The following NR3C1 variants were observed in gnomAD, a reference collection of about 807,000 sequenced individuals.
NR3C1 encodes nuclear receptor subfamily 3 group C member 1, also known as glucocorticoid receptor.
Under a neutral mutation model 74.0 loss-of-function variants are expected in NR3C1, and 14 were observed. The observed-to-expected ratio is 0.19, with a 90% confidence interval of 0.12 to 0.30. The LOEUF (loss-of-function observed/expected upper bound fraction) is 0.30, where lower values mean the gene tolerates loss of function less well. Ranked by LOEUF, NR3C1 falls within the 10% of genes least tolerant of loss-of-function variation. NR3C1 has a pLI of 1.00. For missense variants in NR3C1, 695 were observed against 909.8 expected, an observed-to-expected ratio of 0.76 and a Z score of 3.04; for synonymous variants, 308 against 332.5, an observed-to-expected ratio of 0.93 and a Z score of 0.80.
chr5:143,282,191 C>A, intron 8 of NR3C1, 150 bp from the exon 9 acceptor site: 1 of 768,002 alleles, frequency 1.3e-6, no homozygotes, highest in South Asian at 1.6e-5. Context: ...CACTTCCGTA[C>A]AAAACACATT....
upstream of NR3C1, among the ~76,000 whole-genome samples, chr5:143,406,081 T>G (rs1841092840): frequency 6.6e-6 from 1 of 151,800 alleles, no homozygotes; most frequent in Non-Finnish European, 1.5e-5. Context: ...TGATTAAGAA[T>G]TCTATTTATA....
chr5:143,359,216 G>A (rs76556084), intron 2 of NR3C1, among the ~76,000 whole-genome samples: 34 of 152,190 alleles, frequency 2.2e-4, no homozygotes, highest in East Asian at 1.9e-4. Flanking sequence ...CTTTCTCCCC[G>A]TATAAAAATA....
At chr5:143,353,323 G>A (rs1830537349) in intron 2 of NR3C1, among the ~76,000 whole-genome samples, 1 of 152,060 alleles carries the variant, frequency 6.6e-6, no homozygotes, top group African/African-American at 2.4e-5. Flanking sequence ...CTTTCAAACT[G>A]CTACTAATGT....
upstream of NR3C1, chr5:143,403,962 G>T (rs553659351): frequency 6.1e-6 from 6 of 985,182 alleles, no homozygotes; most frequent in South Asian, 2.3e-4. Context: ...AAAAAGGGTG[G>T]CGGCGGCAGC....
intron 2 of NR3C1, among the ~76,000 whole-genome samples, chr5:143,338,435 C>T (rs1264481745): frequency 6.6e-6 from 1 of 151,772 alleles, no homozygotes; most frequent in Non-Finnish European, 1.5e-5. Flanking sequence ...AAAACGACAG[C>T]TCTGTGTTTG....
intron 2 of NR3C1, among the ~76,000 whole-genome samples, chr5:143,354,993 A>G (rs1225805942): frequency 1.3e-5 from 2 of 152,062 alleles, no homozygotes; most frequent in African/African-American, 4.8e-5. Context: ...AAATGATGAA[A>G]AAGTTTGATA....
chr5:143,314,189 T>C, intron 2 of NR3C1, 21 bp from the exon 3 acceptor site: 1 of 1,612,230 alleles, frequency 6.2e-7, no homozygotes. Flanking sequence ...GGAAGAACAG[T>C]GTTATGATTT....
At chr5:143,426,093 A>G (rs920946818) in intron 1 of NR3C1, among the ~76,000 whole-genome samples, 6 of 152,204 alleles carry the variant, frequency 3.9e-5, no homozygotes, top group East Asian at 1.9e-4. Context: ...CCTTTAATAC[A>G]GTATGTTGAG....
chr5:143,415,834 C>T (rs981946283), intron 1 of NR3C1, among the ~76,000 whole-genome samples: 1 of 152,136 alleles, frequency 6.6e-6, no homozygotes, highest in African/African-American at 2.4e-5. Flanking sequence ...TTATTGGGCT[C>T]ATTTTAAAAA....
At chr5:143,412,422 AT>A (rs899691836) in intron 1 of NR3C1, among the ~76,000 whole-genome samples, 53 of 151,442 alleles carry the variant, frequency 3.5e-4, no homozygotes, top group Non-Finnish European at 4.3e-4. Context: ...TTTATAGTAG[AT>A]TTTTTTTTCT....
chr5:143,287,976 T>C (rs1814878214), intron 7 of NR3C1, among the ~76,000 whole-genome samples: 1 of 152,170 alleles, frequency 6.6e-6, no homozygotes, highest in Non-Finnish European at 1.5e-5. Flanking sequence ...AAGACAAATA[T>C]GTACTGTGAG....
chr5:143,357,233 CAAAG>C (rs1332857492), intron 2 of NR3C1, among the ~76,000 whole-genome samples: 6 of 151,648 alleles, frequency 4.0e-5, no homozygotes, highest in African/African-American at 1.5e-4. Flanking sequence ...AGATTATGCA[CAAAG>C]AAAATTCAAA....
At chr5:143,393,496 T>C (rs1600543104) in intron 2 of NR3C1, among the ~76,000 whole-genome samples, 1 of 152,286 alleles carries the variant, frequency 6.6e-6, no homozygotes, top group Middle Eastern at 3.4e-3. Flanking sequence ...ATTTTTCTTC[T>C]GTTTCTACTA....
At chr5:143,284,544 G>A (rs1599660477) in intron 7 of NR3C1, among the ~76,000 whole-genome samples, 2 of 151,238 alleles carry the variant, frequency 1.3e-5, no homozygotes, top group South Asian at 2.1e-4. Context: ...TTTCCCTGCC[G>A]TATAGTTTTT....
chr5:143,333,259 G>A (rs947900365), intron 2 of NR3C1: 27 of 1,121,964 alleles, frequency 2.4e-5, no homozygotes, highest in South Asian at 3.8e-5. Flanking sequence ...AGGCAGGGCT[G>A]AAAACTGCCC....
intron 2 of NR3C1, among the ~76,000 whole-genome samples, chr5:143,314,411 A>ACTT (rs572436978): frequency 6.8e-6 from 1 of 147,116 alleles, no homozygotes; most frequent in African/African-American, 2.5e-5. Context: ...GTTCTGGTTC[A>ACTT]CTTCTTCTTC....
intron 1 of NR3C1, among the ~76,000 whole-genome samples, chr5:143,420,548 C>T (rs1206761002): frequency 1.3e-5 from 2 of 152,094 alleles, no homozygotes; most frequent in African/African-American, 4.8e-5. Flanking sequence ...TTCCCTAGAA[C>T]ACTAGTTTTC....
chr5:143,328,123 C>T (rs905400341), intron 2 of NR3C1, among the ~76,000 whole-genome samples: 2 of 152,254 alleles, frequency 1.3e-5, no homozygotes, highest in African/African-American at 4.8e-5. Context: ...CAAACCTCAA[C>T]TCTTGTCTTC....
intron 2 of NR3C1, among the ~76,000 whole-genome samples, chr5:143,380,348 T>A (rs1034771806): frequency 1.3e-5 from 2 of 152,198 alleles, no homozygotes; most frequent in African/African-American, 2.4e-5. Context: ...ATTAAGAAAG[T>A]AAAGTCCTTT....
Sources: allele counts gnomAD v4.1 joint callset (sites outside exome capture counted in the v4.1 genomes callset), GRCh38; gene constraint gnomAD v4.1.1; transcripts MANE v1.5; gene names NCBI Gene and HGNC (gene_info 2026-07-23, HGNC 2026-07-21).